The following RILPL1 variants were observed in gnomAD, a reference collection of about 807,000 sequenced individuals.
RILPL1 encodes RILP-like protein 1.
In RILPL1, 33 loss-of-function variants were observed where a neutral mutation model predicts 50.3. The ratio of observed to expected loss-of-function variants is 0.66; its 90% CI spans 0.50 to 0.88. RILPL1 has a LOEUF of 0.88. Among genes scored for constraint, RILPL1 ranks in the 40% least tolerant of loss-of-function variants. The pLI is 0.00. For synonymous variants in RILPL1, 205 were observed against 228.6 expected (o/e 0.90, Z 0.93); for missense variants, 418 against 542.5 (o/e 0.77, Z 2.28).
intron 4 of RILPL1, among the ~76,000 whole-genome samples, chr12:123,492,908 A>G (rs1020304806): frequency 6.6e-6 from 1 of 152,192 alleles, no homozygotes; most frequent in African/African-American, 2.4e-5. Context: ...GCGGAAGGCC[A>G]CAGGGACTTC....
intron 5 of RILPL1, chr12:123,484,732 C>T (rs540628312): frequency 4.6e-6 from 1 of 215,756 alleles, no homozygotes; most frequent in South Asian, 6.9e-5. Context: ...ATACATAGCT[C>T]ACTGCAGCCT....
intron 1 of RILPL1, among the ~76,000 whole-genome samples, chr12:123,532,706 G>C (rs933527610): frequency 1.5e-5 from 2 of 135,606 alleles, no homozygotes; most frequent in African/African-American, 3.0e-5. Context: ...GGGAGACTGG[G>C]GGGGGGGGGG....
At chr12:123,513,665 G>C (rs59919792) in intron 2 of RILPL1, 1 of 153,026 alleles carries the variant, frequency 6.5e-6, no homozygotes, top group African/African-American at 2.4e-5. Flanking sequence ...ATCCTGATAC[G>C]GAAAGACCAG....
chr12:123,511,021 GTA>G (rs761495385), intron 2 of RILPL1, among the ~76,000 whole-genome samples: 4 of 147,372 alleles, frequency 2.7e-5, no homozygotes, highest in Non-Finnish European at 3.0e-5. Flanking sequence ...CAGTGTGAGT[GTA>G]TGTCTGTGTG....
chr12:123,487,660 T>C (rs996974097), intron 4 of RILPL1, among the ~76,000 whole-genome samples: 5 of 152,224 alleles, frequency 3.3e-5, no homozygotes, highest in African/African-American at 1.2e-4. Context: ...TGTACCACAG[T>C]GTGTTTATCC....
At position 123,470,473 on chromosome 12, in the gene RILPL1, C is replaced by CAAA. The variant is rs57574691; in HGVS notation, c.*2062_*2064dup. Reference sequence around the variant, plus strand: ...AGGTGACAGAGTGAGACCCTGTGTCCAAAAAAAAAAAAAAAAAAAAGGCCA... The same window carrying CAAA: ...AGGTGACAGAGTGAGACCCTGTGTCCAAAAAAAAAAAAAAAAAAAAAAAGGCCA... On this transcript the variant is annotated 3_prime_UTR_variant, in exon 7 of 7. Coordinates refer to ENST00000376874, the MANE Select transcript of RILPL1 (RefSeq NM_178314.5). 2 of 86,172 alleles carry CAAA rather than the reference C, an allele frequency of 2.3e-5. No homozygotes were observed. The highest frequency in any genetic ancestry group is 4.1e-5 in the African/African-American group (1 of 24,342). The allele number at this position is 86,172 out of a possible 1,614,324, so 5.3% of individuals were successfully genotyped here.
At position 123,491,154 on chromosome 12, in the gene RILPL1, G is replaced by C. The variant is rs889534074; in HGVS notation, c.802-5349C>G. ...TGACCGCAGGGCCACGGGCAGCCCA[G>C]GACTATCCGGTTCAGACTGGGAGGG... On this transcript the variant is annotated intron_variant, in intron 4 of 6. Coordinates refer to ENST00000376874, the MANE Select transcript of RILPL1 (RefSeq NM_178314.5). This position sits in a 1 kb window ranked among gnomAD's most constrained non-coding sequence, Gnocchi z 4.0. Among the ~76,000 whole-genome samples the C allele has an allele frequency of 6.6e-6, 1 of 152,204 alleles. No individual in the cohort carries two copies. Among genetic ancestry groups the C allele is most frequent in the African/African-American group, 2.4e-5 (1 of 41,454 alleles).
chr12:123,523,474 T>C, intron 2 of RILPL1, 21 bp downstream of exon 2: 2 of 1,613,628 alleles, frequency 1.2e-6, no homozygotes, highest in Non-Finnish European at 1.7e-6. Flanking sequence ...CCCCCTTGCA[T>C]TGGCGCCGAC....
chr12:123,489,673 A>G lies in RILPL1; in HGVS notation c.802-3868T>C. Among the ~76,000 whole-genome samples the G allele has an allele frequency of 9.2e-6, 1 of 109,240 alleles. No individual in the cohort carries two copies. The highest frequency in any genetic ancestry group is 2.4e-4 in the South Asian group (1 of 4,086). 71.7% of individuals were successfully genotyped at this position (109,240 alleles called of 152,430 possible). On this transcript the variant is annotated intron_variant, in intron 4 of 6. Coordinates refer to ENST00000376874, the MANE Select transcript of RILPL1 (RefSeq NM_178314.5). The surrounding 1 kb of genome is among the most constrained non-coding windows in gnomAD (Gnocchi z 4.0). ...AGCGACAGAGTAAGACTCCATCTTA[A>G]AAAAAAAAAAAATAGTGCACAGACA...
chr12:123,483,322 A>G (rs1426928967), intron 6 of RILPL1, among the ~76,000 whole-genome samples: 2 of 152,216 alleles, frequency 1.3e-5, no homozygotes, highest in African/African-American at 4.8e-5. Context: ...TATTAGCTGA[A>G]TGACCCTAGG....
At chr12:123,487,148 C>T (rs996829028) in intron 4 of RILPL1, among the ~76,000 whole-genome samples, 1 of 152,142 alleles carries the variant, frequency 6.6e-6, no homozygotes, top group Non-Finnish European at 1.5e-5. Flanking sequence ...TATCCTGAGC[C>T]CTTGGCAAAT....
chr12:123,529,046 C>G (rs558061835), intron 1 of RILPL1, among the ~76,000 whole-genome samples: 1 of 152,146 alleles, frequency 6.6e-6, no homozygotes, highest in African/African-American at 2.4e-5. Flanking sequence ...CCAGCCACAC[C>G]GACTCTGTGT....
In RILPL1 at chr12:123,522,271, G is replaced by A. The variant is rs1885094637; in HGVS notation, c.460+1224C>T. On this transcript the variant is annotated intron_variant, in intron 2 of 6. Transcript: ENST00000376874. The surrounding 1 kb of genome is among the most constrained non-coding windows in gnomAD (Gnocchi z 4.0). The stretch of plus-strand genomic sequence containing the variant: ...CTGCTTTAGCGGGCAGGAAGCTGCA[G>A]GGCTGAGCAGAGCAGATGCCGCCCA... Among the ~76,000 whole-genome samples, 1 of 152,238 alleles carries A rather than the reference G, an allele frequency of 6.6e-6. No homozygotes were observed. Among genetic ancestry groups the A allele is most frequent in the South Asian group, 2.1e-4 (1 of 4,838 alleles).
chr12:123,515,053 C>A (rs933585332), intron 2 of RILPL1, among the ~76,000 whole-genome samples: 1 of 151,858 alleles, frequency 6.6e-6, no homozygotes, highest in African/African-American at 2.4e-5. Context: ...ACCTCAGCCT[C>A]CTGAGTAGCT....
chr12:123,493,745 C>A (rs28493578), intron 4 of RILPL1, among the ~76,000 whole-genome samples: 1 of 151,654 alleles, frequency 6.6e-6, no homozygotes, highest in South Asian at 2.1e-4. Context: ...ACACAGGACC[C>A]GGCCCGATGC....
chr12:123,521,897 T>A lies in RILPL1; in HGVS notation c.460+1598A>T, dbSNP rs916539380. Among the ~76,000 whole-genome samples, 7 of 151,702 alleles carry A rather than the reference T, an allele frequency of 4.6e-5. No homozygotes were observed. In the East Asian group the frequency reaches 9.7e-4, roughly 21 times the overall value. On this transcript the variant is annotated intron_variant, in intron 2 of 6. Coordinates refer to ENST00000376874, the MANE Select transcript of RILPL1 (RefSeq NM_178314.5). ...AAGCGAATCTCCTGCCTCAGCCTCC[T>A]GAGTAGCTGGGACTCTACAGGCGCC...
chr12:123,523,461 C>G, intron 2 of RILPL1, 34 bp downstream of exon 2: 9 of 1,613,130 alleles, frequency 5.6e-6, no homozygotes, highest in Non-Finnish European at 7.6e-6. Context: ...AAGGAATGGC[C>G]GGCCCCCTTG....
At chr12:123,482,022 G>C (rs564914335) in intron 6 of RILPL1, among the ~76,000 whole-genome samples, 4 of 151,088 alleles carry the variant, frequency 2.6e-5, no homozygotes, top group Non-Finnish European at 5.9e-5. Context: ...ACAGGCATGT[G>C]ACCACCACGC....
intron 1 of RILPL1, among the ~76,000 whole-genome samples, chr12:123,528,105 G>A (rs1451332708): frequency 3.3e-5 from 5 of 152,026 alleles, no homozygotes; most frequent in South Asian, 4.1e-4. Context: ...GGTGGGTCAC[G>A]CCTGTAATTC....
Sources: gnomAD v4.1 joint callset for allele counts (sites outside exome capture counted in the v4.1 genomes callset) on GRCh38, gnomAD v4.1.1 for gene constraint, Gnocchi (gnomAD v3.1) non-coding constraint, MANE v1.5 for transcripts, NCBI Gene and HGNC (gene_info 2026-07-23, HGNC 2026-07-21) for gene names.